Variants in RAB11FIP4 observed in about 807,000 individuals in gnomAD.
RAB11FIP4 encodes rab11 family-interacting protein 4.
RAB11FIP4 carries 23 observed loss-of-function variants against 74.3 expected under a neutral mutation model. That is an observed-to-expected ratio of 0.31 (90% CI 0.22 to 0.44). RAB11FIP4 has a LOEUF of 0.44. Ranked by LOEUF, RAB11FIP4 falls within the 20% of genes least tolerant of loss-of-function variation. The pLI is 1.00. For missense variants in RAB11FIP4, 630 were observed against 863.9 expected (o/e 0.73, Z 3.39); for synonymous variants, 360 against 359.9 (o/e 1.00, Z 0.00).
chr17:31,445,572 ATATATATTTTTTTTTTTT>A (rs2071452816), intron 3 of RAB11FIP4, among the ~76,000 whole-genome samples: 9 of 10,696 alleles, frequency 8.4e-4, no homozygotes, highest in East Asian at 4.0e-3. Context: ...ATATATATAT[ATATATATTTTTTTTTTTT>A]TTTTTTTTTT....
chr17:31,454,712 C>T (rs963103579), intron 3 of RAB11FIP4, among the ~76,000 whole-genome samples: 9 of 152,062 alleles, frequency 5.9e-5, no homozygotes, highest in Admixed American at 2.6e-4. Flanking sequence ...GGTGAAACCC[C>T]GTCTCTACTA....
intron 3 of RAB11FIP4, among the ~76,000 whole-genome samples, chr17:31,475,691 C>T (rs1224085557): frequency 2.0e-5 from 3 of 152,158 alleles, no homozygotes; most frequent in African/African-American, 7.2e-5. Context: ...ATGTTCCCAG[C>T]TGAGGTCAAA....
At chr17:31,462,832 C>T (rs528554070) in intron 3 of RAB11FIP4, among the ~76,000 whole-genome samples, 2 of 152,186 alleles carry the variant, frequency 1.3e-5, no homozygotes, top group South Asian at 4.1e-4. Flanking sequence ...GACGGAGTTT[C>T]GCCATGTTGG....
At chr17:31,443,013 C>G (rs1205163590) in intron 3 of RAB11FIP4, among the ~76,000 whole-genome samples, 1 of 151,756 alleles carries the variant, frequency 6.6e-6, no homozygotes, top group Non-Finnish European at 1.5e-5. Context: ...TAATACTAAT[C>G]TGCCAAATTC....
chr17:31,460,892 G>A (rs1030506559), intron 3 of RAB11FIP4, among the ~76,000 whole-genome samples: 6 of 151,898 alleles, frequency 4.0e-5, no homozygotes, highest in African/African-American at 1.2e-4. Context: ...CACCACGCCC[G>A]GCCATGTGTG....
chr17:31,393,891 G>GC (rs934331375), intron 1 of RAB11FIP4, among the ~76,000 whole-genome samples: 4 of 151,858 alleles, frequency 2.6e-5, no homozygotes, highest in African/African-American at 9.7e-5. Context: ...CAAGCAGACC[G>GC]CCCCCCGCCG....
rs780094324 is a variant in RAB11FIP4 at position 31,536,932 on chromosome 17, C to A, written c.*5200C>A. On this transcript the variant is annotated 3_prime_UTR_variant, in exon 15 of 15. Transcript: ENST00000621161. ...TTCCCATATGACCTCCCTGCCCCGA[C>A]CTCGTAGGTTGCTCCTTTCCCCATC... 135 of 399,056 alleles carry A rather than the reference C, an allele frequency of 3.4e-4. No individual in the cohort carries two copies. Among genetic ancestry groups the A allele is most frequent in the South Asian group, 7.7e-4 (6 of 7,838 alleles). The allele number at this position is 399,056 out of a possible 1,614,324, so 24.7% of individuals were successfully genotyped here.
chr17:31,527,943 T>G lies in RAB11FIP4; in HGVS notation c.1356+20T>G, dbSNP rs768200452. 1 of 1,572,288 alleles carries G rather than the reference T, an allele frequency of 6.4e-7. No homozygotes were observed. Among genetic ancestry groups the G allele is most frequent in the South Asian group, 1.2e-5 (1 of 86,140 alleles). On this transcript the variant is annotated intron_variant, in intron 11 of 14. Transcript: ENST00000621161. ...GATGAGGTGAGCAGCAGATCCAGGC[T>G]TGGAGGGGCAGGGCTGGCCATCGGG... is the stretch of plus-strand genomic sequence containing the variant.
chr17:31,422,971 G>A (rs988239571), intron 1 of RAB11FIP4, among the ~76,000 whole-genome samples: 8 of 147,006 alleles, frequency 5.4e-5, no homozygotes, highest in Admixed American at 4.8e-4. Flanking sequence ...TCAGGCTGGA[G>A]TGCAGTGGCA....
intron 3 of RAB11FIP4, among the ~76,000 whole-genome samples, chr17:31,437,186 G>A (rs555001732): frequency 2.0e-5 from 3 of 152,246 alleles, no homozygotes; most frequent in Admixed American, 6.5e-5. Flanking sequence ...CATTATGCTC[G>A]CTGGGGCTGC....
At chr17:31,426,961 G>GT (rs2071258528) in intron 1 of RAB11FIP4, among the ~76,000 whole-genome samples, 1 of 148,990 alleles carries the variant, frequency 6.7e-6, no homozygotes, top group African/African-American at 2.5e-5. Context: ...TTTGTTTTTT[G>GT]TTTTTTGTTT....
intron 3 of RAB11FIP4, chr17:31,488,214 C>T: frequency 8.9e-7 from 1 of 1,127,140 alleles, no homozygotes; most frequent in Non-Finnish European, 1.1e-6. Flanking sequence ...CCGCTGGCTT[C>T]CGCGCCTCTG....
intron 1 of RAB11FIP4, among the ~76,000 whole-genome samples, chr17:31,403,142 G>A (rs565912110): frequency 5.1e-4 from 42 of 82,788 alleles, no homozygotes; most frequent in African/African-American, 2.1e-3. Context: ...GCTGCCCTCA[G>A]TCCTAGGACT....
intron 2 of RAB11FIP4, among the ~76,000 whole-genome samples, chr17:31,432,356 CTTT>C (rs749879395): frequency 1.2e-4 from 17 of 139,476 alleles, no homozygotes; most frequent in Non-Finnish European, 1.3e-4. Context: ...CCCGCCTCCT[CTTT>C]TTTTTTTTTT....
intron 3 of RAB11FIP4, among the ~76,000 whole-genome samples, chr17:31,457,867 C>T (rs28463848): frequency 0.066 from 10,056 of 152,112 alleles, 463 homozygotes; most frequent in African/African-American, 0.12. Context: ...TTCCCCTCCC[C>T]GCTCTGTCTC....
chr17:31,458,152 C>T lies in RAB11FIP4; in HGVS notation c.336+24030C>T, dbSNP rs138221779. Among the ~76,000 whole-genome samples, 515 of 152,296 alleles carry T rather than the reference C, an allele frequency of 3.4e-3. 4 individuals are homozygous for T. The highest frequency in any genetic ancestry group is 0.012 in the African/African-American group (487 of 41,558). Reference sequence around the variant, plus strand: ...GGCCTTGGGGCCACAGTGTGCAGGGCCAGGATTTTTAGCTGCATCTGATCC... The same window carrying T: ...GGCCTTGGGGCCACAGTGTGCAGGGTCAGGATTTTTAGCTGCATCTGATCC... On this transcript the variant is annotated intron_variant, in intron 3 of 14. Coordinates refer to ENST00000621161, the MANE Select transcript of RAB11FIP4 (RefSeq NM_032932.6).
At chr17:31,485,187 T>G (rs1319009868) in intron 3 of RAB11FIP4, among the ~76,000 whole-genome samples, 1 of 152,236 alleles carries the variant, frequency 6.6e-6, no homozygotes, top group East Asian at 1.9e-4. Flanking sequence ...TCCAAAACAT[T>G]GACTTCCCTT....
At chr17:31,493,911 G>T (rs1203226061) in intron 3 of RAB11FIP4, among the ~76,000 whole-genome samples, 1 of 152,118 alleles carries the variant, frequency 6.6e-6, no homozygotes, top group Non-Finnish European at 1.5e-5. Context: ...TCGTATATGT[G>T]TGTGTGCACA....
At chr17:31,426,341 C>T (rs764061585) in intron 1 of RAB11FIP4, among the ~76,000 whole-genome samples, 1 of 152,152 alleles carries the variant, frequency 6.6e-6, no homozygotes, top group African/African-American at 2.4e-5. Flanking sequence ...ATGTCTTACC[C>T]TCTCTGAGCC....
Sources: gnomAD v4.1 joint callset for allele counts (sites outside exome capture counted in the v4.1 genomes callset) on GRCh38, gnomAD v4.1.1 for gene constraint, MANE v1.5 for transcripts, NCBI Gene and HGNC (gene_info 2026-07-23, HGNC 2026-07-21) for gene names.